The following KCNAB1 variants were observed in gnomAD, a reference collection of about 807,000 sequenced individuals.
The protein encoded by KCNAB1 is voltage-gated potassium channel subunit beta-1.
Under a neutral mutation model 64.6 loss-of-function variants are expected in KCNAB1, and 35 were observed. The observed-to-expected ratio is 0.54, with a 90% CI of 0.41 to 0.72. The LOEUF is 0.72. Among genes scored for constraint, KCNAB1 ranks in the 30% least tolerant of loss-of-function variants. The pLI is 0.00. For missense variants in KCNAB1, 401 were observed against 512.9 expected, an observed-to-expected ratio of 0.78 and a Z score of 2.11; for synonymous variants, 177 against 183.8, an observed-to-expected ratio of 0.96 and a Z score of 0.30.
chr3:156,339,566 C>A (rs1723958632), intron 1 of KCNAB1, among the ~76,000 whole-genome samples: 1 of 152,194 alleles, frequency 6.6e-6, no homozygotes, highest in Non-Finnish European at 1.5e-5. Flanking sequence ...TTATTATGGC[C>A]TCTGCTCACA....
intron 1 of KCNAB1, among the ~76,000 whole-genome samples, chr3:156,132,762 T>C (rs956108961): frequency 5.3e-5 from 8 of 152,196 alleles, no homozygotes; most frequent in Non-Finnish European, 1.2e-4. Flanking sequence ...ACACATGTTT[T>C]TCTATAATGT....
intron 2 of KCNAB1, among the ~76,000 whole-genome samples, chr3:156,445,124 T>C (rs13317461): frequency 0.22 from 34,196 of 152,054 alleles, 7,289 homozygotes; most frequent in African/African-American, 0.56. Context: ...GGTGAAACCT[T>C]GTCTCTAATA....
At chr3:156,488,336 T>A (rs1173171810) in intron 8 of KCNAB1, among the ~76,000 whole-genome samples, 2 of 149,228 alleles carry the variant, frequency 1.3e-5, no homozygotes, top group Admixed American at 6.7e-5. Flanking sequence ...GAAATTAGAA[T>A]GGGAATGCTT....
intron 1 of KCNAB1, among the ~76,000 whole-genome samples, chr3:156,400,956 C>A (rs911581296): frequency 1.3e-5 from 2 of 152,202 alleles, no homozygotes; most frequent in African/African-American, 4.8e-5. Flanking sequence ...CCCTTAGAAC[C>A]AGACACAGTG....
chr3:156,206,717 A>T (rs1714688520), intron 1 of KCNAB1, among the ~76,000 whole-genome samples: 1 of 152,256 alleles, frequency 6.6e-6, no homozygotes, highest in Non-Finnish European at 1.5e-5. Flanking sequence ...ATAGTTATTC[A>T]GTAAGCGTTT....
intron 1 of KCNAB1, among the ~76,000 whole-genome samples, chr3:156,421,064 T>C (rs1203793617): frequency 1.3e-5 from 2 of 151,332 alleles, no homozygotes; most frequent in Non-Finnish European, 2.9e-5. Flanking sequence ...ATTTGTTATT[T>C]TAATAATTCA....
intron 1 of KCNAB1, among the ~76,000 whole-genome samples, chr3:156,363,116 T>A (rs1298518094): frequency 6.6e-6 from 1 of 152,206 alleles, no homozygotes; most frequent in Non-Finnish European, 1.5e-5. Flanking sequence ...AACCATTACA[T>A]TGCCTCAGAA....
intron 1 of KCNAB1, among the ~76,000 whole-genome samples, chr3:156,148,859 CTTT>C (rs11360855): frequency 2.7e-5 from 4 of 146,896 alleles, no homozygotes; most frequent in African/African-American, 2.5e-5. Context: ...CATTTTCTTT[CTTT>C]TTTTTTTTTG....
In KCNAB1 at chr3:156,439,495, A is replaced by C. The variant is rs1261254810; in HGVS notation, c.320-13404A>C. Among the ~76,000 whole-genome samples the C allele has an allele frequency of 2.0e-5, 3 of 152,218 alleles. No individual in the cohort carries two copies. In the East Asian group the frequency reaches 5.8e-4, roughly 29 times the overall value. ...GGAGAGACAGTGATGAACAAGACAG[A>C]CAGCCCTGTCCTTGCCAAGCGGACC... On this transcript the variant is annotated intron_variant, in intron 2 of 13. Coordinates refer to ENST00000490337, the MANE Select transcript of KCNAB1 (RefSeq NM_172160.3).
chr3:156,226,753 T>C (rs574649812), intron 1 of KCNAB1, among the ~76,000 whole-genome samples: 328 of 152,342 alleles, frequency 2.2e-3, no homozygotes, highest in Middle Eastern at 0.01. Flanking sequence ...CAACTTTCCA[T>C]GTTTTGGCGG....
intron 1 of KCNAB1, among the ~76,000 whole-genome samples, chr3:156,326,481 TG>T (rs1239852078): frequency 6.6e-6 from 1 of 152,154 alleles, no homozygotes; most frequent in Admixed American, 6.5e-5. Flanking sequence ...TGGCAAGGAA[TG>T]GGATTCTCAT....
Position 156,508,231 on chromosome 3 carries a change from T to C in KCNAB1, c.659-6133T>C, listed in dbSNP as rs973211342. The stretch of plus-strand genomic sequence containing the variant: ...TTACCTCTAAGGCTTCTTTTGCTTT[T>C]ATCTTTTTTATCTTTTGCTTTTATC... On this transcript the variant is annotated intron_variant, in intron 8 of 13. Coordinates refer to ENST00000490337, the MANE Select transcript of KCNAB1 (RefSeq NM_172160.3). This position sits in a 1 kb window ranked among gnomAD's most constrained non-coding sequence, Gnocchi z 4.1. 4.6e-5 allele frequency among the ~76,000 whole-genome samples: 7 copies of C among 152,232 alleles called. No individual in the cohort carries two copies. The highest frequency in any genetic ancestry group is 1.7e-4 in the African/African-American group (7 of 41,474).
chr3:156,268,623 T>C (rs1718856808), intron 1 of KCNAB1, among the ~76,000 whole-genome samples: 1 of 152,232 alleles, frequency 6.6e-6, no homozygotes, highest in East Asian at 1.9e-4. Flanking sequence ...TGATGATCAA[T>C]GATGTAGAGC....
At chr3:156,539,013 G>GTAT (rs1402587021), downstream of KCNAB1, 6 of 82,650 alleles carry the variant, frequency 7.3e-5, no homozygotes, top group African/African-American at 2.7e-4. Flanking sequence ...ATATACTAAT[G>GTAT]TATTTCACAG....
At chr3:156,239,541 C>T (rs1341864137) in intron 1 of KCNAB1, among the ~76,000 whole-genome samples, 1 of 152,126 alleles carries the variant, frequency 6.6e-6, no homozygotes, top group Non-Finnish European at 1.5e-5. Flanking sequence ...GTGGTTGCAA[C>T]CTCATCCATG....
chr3:156,346,795 A>C (rs914860905), intron 1 of KCNAB1, among the ~76,000 whole-genome samples: 1 of 152,156 alleles, frequency 6.6e-6, no homozygotes, highest in Non-Finnish European at 1.5e-5. Context: ...ATTTTATGGA[A>C]ATTTTTTTTC....
At chr3:156,233,292 G>A (rs1446189207) in intron 1 of KCNAB1, among the ~76,000 whole-genome samples, 2 of 152,156 alleles carry the variant, frequency 1.3e-5, no homozygotes, top group Non-Finnish European at 2.9e-5. Context: ...TGGAGGATAT[G>A]GGAGAACAGG....
chr3:156,202,130 CTG>C (rs1714371643), intron 1 of KCNAB1, among the ~76,000 whole-genome samples: 2 of 152,138 alleles, frequency 1.3e-5, no homozygotes, highest in Non-Finnish European at 2.9e-5. Flanking sequence ...TGGCCATGCT[CTG>C]CTACAGATGC....
intron 1 of KCNAB1, among the ~76,000 whole-genome samples, chr3:156,257,592 A>G (rs1222866105): frequency 6.6e-6 from 1 of 152,164 alleles, no homozygotes; most frequent in Non-Finnish European, 1.5e-5. Context: ...GATAGATCTA[A>G]AACTTTTACT....
Sources: allele counts gnomAD v4.1 joint callset (sites outside exome capture counted in the v4.1 genomes callset), GRCh38; gene constraint gnomAD v4.1.1; non-coding constraint Gnocchi (gnomAD v3.1); transcripts MANE v1.5; gene names NCBI Gene and HGNC (gene_info 2026-07-23, HGNC 2026-07-21).